The following RAD51B variants were observed in gnomAD, a reference collection of about 807,000 sequenced individuals.
The protein encoded by RAD51B is RAD51 paralog B, also known as DNA repair protein RAD51 homolog 2.
Under a neutral mutation model 42.2 loss-of-function variants are expected in RAD51B, and 38 were observed. That is an observed-to-expected ratio of 0.90 (90% confidence interval 0.70 to 1.18). The LOEUF (loss-of-function observed/expected upper bound fraction) is 1.18. Ranked by LOEUF, RAD51B falls within the 50% of genes most tolerant of loss-of-function variation. The pLI is 0.00. For synonymous variants in RAD51B, 154 were observed against 145.2 expected (o/e 1.06, Z -0.43); for missense variants, 373 against 400.7 (o/e 0.93, Z 0.59).
chr14:68,038,613 A>G (rs949130989), intron 7 of RAD51B, among the ~76,000 whole-genome samples: 17 of 152,216 alleles, frequency 1.1e-4, no homozygotes, highest in Admixed American at 3.3e-4. Flanking sequence ...CACAAAATTT[A>G]TCACATTTAT....
chr14:68,366,038 A>C (rs1254951586), intron 8 of RAD51B, among the ~76,000 whole-genome samples: 1 of 152,232 alleles, frequency 6.6e-6, no homozygotes, highest in Non-Finnish European at 1.5e-5. Flanking sequence ...TTGATAAATT[A>C]AAAATACTTT....
At chr14:68,540,144 A>G (rs1204855718) in intron 10 of RAD51B, 6 of 990,726 alleles carry the variant, frequency 6.1e-6, no homozygotes, top group Non-Finnish European at 6.0e-6. Flanking sequence ...CCTCCAGGAC[A>G]TGAGGGAATC....
intron 7 of RAD51B, among the ~76,000 whole-genome samples, chr14:68,073,577 G>C (rs2076787922): frequency 1.3e-5 from 2 of 152,094 alleles, no homozygotes. Flanking sequence ...TTGTTGGCTG[G>C]TTGTTATGTA....
intron 7 of RAD51B, among the ~76,000 whole-genome samples, chr14:67,947,662 G>A (rs1481406592): frequency 2.0e-5 from 3 of 152,242 alleles, no homozygotes; most frequent in African/African-American, 7.2e-5. Context: ...TGTTTTGTTT[G>A]AAGCAAATGA....
At chr14:68,562,913 T>C in intron 10 of RAD51B, 5 of 985,382 alleles carry the variant, frequency 5.1e-6, no homozygotes, top group Middle Eastern at 5.2e-4. Context: ...GCCCATTGCC[T>C]CCACATCCAA....
chr14:68,467,749 G>A (rs368420088), intron 9 of RAD51B, among the ~76,000 whole-genome samples: 3 of 152,362 alleles, frequency 2.0e-5, no homozygotes, highest in East Asian at 1.9e-4. Flanking sequence ...TTTGCCTTTC[G>A]CAAGTTATTT....
chr14:68,064,327 TG>T (rs1318447494), intron 7 of RAD51B, among the ~76,000 whole-genome samples: 1 of 152,220 alleles, frequency 6.6e-6, no homozygotes, highest in Non-Finnish European at 1.5e-5. Context: ...CTTAGTCTAA[TG>T]GGGATTCCCT....
chr14:68,667,267 AC>A (rs1417546607), intron 11 of RAD51B, among the ~76,000 whole-genome samples: 1 of 152,244 alleles, frequency 6.6e-6, no homozygotes, highest in African/African-American at 2.4e-5. Flanking sequence ...GGAAACTCAG[AC>A]AGAATTTCTG....
At chr14:68,454,953 C>T (rs1413218353) in intron 9 of RAD51B, among the ~76,000 whole-genome samples, 1 of 152,134 alleles carries the variant, frequency 6.6e-6, no homozygotes, top group Non-Finnish European at 1.5e-5. Flanking sequence ...CTGAGAAAAC[C>T]TGAAGATCTC....
chr14:68,467,681 A>C (rs2086018915), intron 9 of RAD51B, among the ~76,000 whole-genome samples: 2 of 152,284 alleles, frequency 1.3e-5, no homozygotes, highest in African/African-American at 4.8e-5. Flanking sequence ...TAGAAAATGT[A>C]GTCACGTAGT....
At chr14:68,325,190 A>T (rs1041971019) in intron 8 of RAD51B, among the ~76,000 whole-genome samples, 5 of 152,236 alleles carry the variant, frequency 3.3e-5, no homozygotes, top group African/African-American at 1.2e-4. Flanking sequence ...TGAGGATAAT[A>T]GTAGTACCTA....
intron 7 of RAD51B, among the ~76,000 whole-genome samples, chr14:68,039,102 T>C (rs1359198340): frequency 6.6e-6 from 1 of 151,948 alleles, no homozygotes; most frequent in Admixed American, 6.6e-5. Context: ...CTTAAGAAAG[T>C]GATGGAAAAA....
intron 10 of RAD51B, among the ~76,000 whole-genome samples, chr14:68,575,387 C>G (rs1012967853): frequency 6.6e-6 from 1 of 152,188 alleles, no homozygotes; most frequent in Non-Finnish European, 1.5e-5. Flanking sequence ...CCCCCTGCCC[C>G]TCATTTCTCT....
intron 7 of RAD51B, among the ~76,000 whole-genome samples, chr14:68,037,892 A>G (rs2076159070): frequency 6.6e-6 from 1 of 152,206 alleles, no homozygotes; most frequent in South Asian, 2.1e-4. Context: ...ACAATTCCAT[A>G]GGATTTTATA....
At chr14:68,212,160 G>T (rs2079723993) in intron 7 of RAD51B, among the ~76,000 whole-genome samples, 1 of 152,200 alleles carries the variant, frequency 6.6e-6, no homozygotes, top group African/African-American at 2.4e-5. Context: ...GCTGGGACTG[G>T]ACCCAAGCTG....
At chr14:68,587,558 G>A (rs930650571) in intron 10 of RAD51B, among the ~76,000 whole-genome samples, 4 of 152,030 alleles carry the variant, frequency 2.6e-5, no homozygotes, top group South Asian at 2.1e-4. Context: ...GCTGGTCTGA[G>A]CAGGAAATTC....
At chr14:68,508,720 G>T (rs950250127) in intron 10 of RAD51B, among the ~76,000 whole-genome samples, 1 of 152,204 alleles carries the variant, frequency 6.6e-6, no homozygotes, top group South Asian at 2.1e-4. Context: ...TTACCTGCCA[G>T]TCTCATCTCT....
At chr14:68,089,915 G>C (rs1443674716) in intron 7 of RAD51B, among the ~76,000 whole-genome samples, 1 of 151,922 alleles carries the variant, frequency 6.6e-6, no homozygotes, top group Non-Finnish European at 1.5e-5. Flanking sequence ...TATTATTTTA[G>C]ATTTATATAT....
chr14:68,561,733 T>C (rs1278193064), intron 10 of RAD51B, among the ~76,000 whole-genome samples: 1 of 152,214 alleles, frequency 6.6e-6, no homozygotes, highest in Non-Finnish European at 1.5e-5. Context: ...GAGCAGGCCC[T>C]CGAGCTAAAT....
Sources: allele counts gnomAD v4.1 joint callset (sites outside exome capture counted in the v4.1 genomes callset), GRCh38; gene constraint gnomAD v4.1.1; transcripts MANE v1.5; gene names NCBI Gene and HGNC (gene_info 2026-07-23, HGNC 2026-07-21).